CELF6: variants seen among roughly 807,000 people sequenced by gnomAD.
The protein encoded by CELF6 is CUGBP Elav-like family member 6.
In CELF6, 32 loss-of-function variants were observed where a neutral mutation model predicts 53.1. The ratio of observed to expected loss-of-function variants is 0.60; its 90% CI spans 0.46 to 0.81. The LOEUF (loss-of-function observed/expected upper bound fraction) is 0.81. CELF6 is among the 30% of genes least tolerant of loss of function. The probability of loss-of-function intolerance (pLI) is 0.00; values close to 1 mark genes in which losing one functional copy is unlikely to be tolerated. For synonymous variants in CELF6, 291 were observed against 288.8 expected, an observed-to-expected ratio of 1.01 and a Z score of -0.08; for missense variants, 539 against 669.5, an observed-to-expected ratio of 0.81 and a Z score of 2.15.
In CELF6 at chr15:72,289,064, A is replaced by C; in HGVS notation, c.1030+74T>G. On this transcript the variant is annotated intron_variant, in intron 8 of 12. Transcript: ENST00000287202. The surrounding 1 kb of genome is among the most constrained non-coding windows in gnomAD (Gnocchi z 7.6). Reference sequence around the variant, plus strand: ...GAAGGAGGGGGATCTCTTCCCAGGGAAGCCAGGCCCTAACCCCCCACCCCC... The same window carrying C: ...GAAGGAGGGGGATCTCTTCCCAGGGCAGCCAGGCCCTAACCCCCCACCCCC... The C allele has an allele frequency of 7.6e-7, 1 of 1,322,344 alleles. No homozygotes were observed. 81.9% of individuals were successfully genotyped at this position (1,322,344 alleles called of 1,614,324 possible).
Position 72,289,133 on chromosome 15 carries a change from C to A in CELF6, c.1030+5G>T, listed in dbSNP as rs1432556261. ...GGGGGGATTTGGGCGGAGCGGGGGG[C>A]CCACCTGGATAAGGGGAGAGCCCGT... On this transcript the variant is annotated splice_donor_5th_base_variant and intron_variant, in intron 8 of 12. Coordinates refer to ENST00000287202, the MANE Select transcript of CELF6 (RefSeq NM_052840.5). The surrounding 1 kb of genome is among the most constrained non-coding windows in gnomAD (Gnocchi z 7.6). 6.6e-7 allele frequency: 1 copy of A among 1,520,222 alleles called. No individual in the cohort carries two copies. Among genetic ancestry groups the A allele is most frequent in the Non-Finnish European group, 8.8e-7 (1 of 1,141,856 alleles). 94.2% of individuals were successfully genotyped at this position (1,520,222 alleles called of 1,614,324 possible).
chr15:72,298,541 T>C (rs940382860), intron 3 of CELF6, among the ~76,000 whole-genome samples: 3 of 152,090 alleles, frequency 2.0e-5, no homozygotes, highest in Admixed American at 6.5e-5. Context: ...TTTCTGTACC[T>C]TAGGCATCTT....
chr15:72,289,902 A>G lies in CELF6; in HGVS notation c.603+37T>C, dbSNP rs1214004238. On this transcript the variant is annotated intron_variant, in intron 5 of 12. Coordinates refer to ENST00000287202, the MANE Select transcript of CELF6 (RefSeq NM_052840.5). The surrounding 1 kb of genome is among the most constrained non-coding windows in gnomAD (Gnocchi z 7.6). ...GGGAGGAGAAGCCCGTCCCCACCCC[A>G]CTGGCCTCACCCTCAGCCCAGGGAA... The G allele has an allele frequency of 6.5e-7, 1 of 1,539,524 alleles. No individual in the cohort carries two copies. Among genetic ancestry groups the G allele is most frequent in the African/African-American group, 1.4e-5 (1 of 72,894 alleles).
At chr15:72,298,046 G>A (rs2088102033) in intron 3 of CELF6, among the ~76,000 whole-genome samples, 4 of 152,182 alleles carry the variant, frequency 2.6e-5, no homozygotes, top group Admixed American at 2.6e-4. Context: ...TTCATCTAAG[G>A]ACCAATAACA....
At chr15:72,305,820 C>G (rs920776368) in intron 2 of CELF6, among the ~76,000 whole-genome samples, 2 of 151,898 alleles carry the variant, frequency 1.3e-5, no homozygotes, top group Non-Finnish European at 2.9e-5. Context: ...CCCACGGGCG[C>G]CTTCACTCAA....
At chr15:72,300,300 G>T (rs564927615) in intron 3 of CELF6, among the ~76,000 whole-genome samples, 1 of 151,394 alleles carries the variant, frequency 6.6e-6, no homozygotes. Flanking sequence ...GTTCAAGGCT[G>T]CAGTGAGCTA....
At chr15:72,312,446 G>C (rs2088308481) in intron 2 of CELF6, among the ~76,000 whole-genome samples, 1 of 152,134 alleles carries the variant, frequency 6.6e-6, no homozygotes, top group African/African-American at 2.4e-5. Flanking sequence ...GACCAACATG[G>C]TGAAACCCTG....
intron 3 of CELF6, among the ~76,000 whole-genome samples, chr15:72,303,433 A>G (rs1213680192): frequency 6.6e-6 from 1 of 152,234 alleles, no homozygotes; most frequent in African/African-American, 2.4e-5. Flanking sequence ...ATCTAAAAGG[A>G]TAATGGAAGT....
chr15:72,292,453 A>G lies in CELF6; in HGVS notation c.395-2198T>C, dbSNP rs150875354. ...AGAGTCTAGGGCCTCCATAGTCCCA[A>G]GGGGGGCTTCACAATGCCCTAATTT... On this transcript the variant is annotated intron_variant, in intron 3 of 12. Transcript: ENST00000287202. 3.3e-3 allele frequency among the ~76,000 whole-genome samples: 506 copies of G among 152,318 alleles called. 3 individuals carry two copies. Among genetic ancestry groups the G allele is most frequent in the African/African-American group, 0.012 (492 of 41,564 alleles).
chr15:72,297,616 G>T (rs1251699280), intron 3 of CELF6, among the ~76,000 whole-genome samples: 1 of 152,232 alleles, frequency 6.6e-6, no homozygotes, highest in Non-Finnish European at 1.5e-5. Flanking sequence ...GAAACTTGAA[G>T]ATAGGCTAAG....
rs1567276641 is a variant in CELF6 at position 72,288,035 on chromosome 15, G to A, written c.1318+273C>T. 6.6e-6 allele frequency among the ~76,000 whole-genome samples: 1 copy of A among 151,938 alleles called. No homozygotes were observed. The highest frequency in any genetic ancestry group is 2.4e-5 in the African/African-American group (1 of 41,362). On this transcript the variant is annotated intron_variant, in intron 11 of 12. Transcript: ENST00000287202. The surrounding 1 kb of genome is among the most constrained non-coding windows in gnomAD (Gnocchi z 4.6). ...GTATTTTTAGTGGAGACGGGATTTC[G>A]CCATGTTGGCCAGGCTAGTCCCAAA...
At chr15:72,295,499 C>T (rs1174518105) in intron 3 of CELF6, among the ~76,000 whole-genome samples, 3 of 151,560 alleles carry the variant, frequency 2.0e-5, no homozygotes, top group South Asian at 2.1e-4. Flanking sequence ...GAGGCCGAGG[C>T]GGGCAGATCA....
Position 72,287,240 on chromosome 15 carries a change from T to C in CELF6, c.*25A>G. Reference sequence around the variant, plus strand: ...CTGGGGTCCATCAGGGACTCACCTTTCTGTGGCTGGTCAGTGAAAGCAGGT... The same window carrying C: ...CTGGGGTCCATCAGGGACTCACCTTCCTGTGGCTGGTCAGTGAAAGCAGGT... On this transcript the variant is annotated 3_prime_UTR_variant, in exon 12 of 13. Transcript: ENST00000287202. 1 of 1,611,996 alleles carries C rather than the reference T, an allele frequency of 6.2e-7. No homozygotes were observed. The highest frequency in any genetic ancestry group is 8.5e-7 in the Non-Finnish European group (1 of 1,178,948).
chr15:72,289,777 A>G lies in CELF6; in HGVS notation c.604-7T>C, dbSNP rs1234571593. 6.9e-7 allele frequency: 1 copy of G among 1,448,202 alleles called. No homozygotes were observed. Among genetic ancestry groups the G allele is most frequent in the East Asian group, 2.5e-5 (1 of 39,970 alleles). 89.7% of individuals were successfully genotyped at this position (1,448,202 alleles called of 1,614,324 possible). A position where few individuals can be genotyped will look rare whatever the true frequency, so the allele number is the denominator to read the frequency against. On this transcript the variant is annotated splice_region_variant and splice_polypyrimidine_tract_variant and intron_variant, in intron 5 of 12. Coordinates refer to ENST00000287202, the MANE Select transcript of CELF6 (RefSeq NM_052840.5). The surrounding 1 kb of genome is among the most constrained non-coding windows in gnomAD (Gnocchi z 7.6). ...CGAGGCTGGACGAGGCGCCCTGGGC[A>G]GGGCAGGGGAGGCCGTGGTGACCGG...
In CELF6 at chr15:72,287,089, C is replaced by A. The variant is rs2087932010; in HGVS notation, c.*28+148G>T. On this transcript the variant is annotated intron_variant, in intron 12 of 12. Coordinates refer to ENST00000287202, the MANE Select transcript of CELF6 (RefSeq NM_052840.5). ...ATTGAAGGAAAAGCAAAGTCTCCAT[C>A]TGAGGTTTCCTCCTAGCTCCTGGCT... 11 of 654,412 alleles carry A rather than the reference C, an allele frequency of 1.7e-5. No individual in the cohort carries two copies. In the South Asian group the frequency reaches 2.2e-4, roughly 13 times the overall value. 40.5% of individuals were successfully genotyped at this position (654,412 alleles called of 1,614,324 possible).
At chr15:72,318,486 T>G (rs1595788329) in intron 1 of CELF6, among the ~76,000 whole-genome samples, 1 of 152,112 alleles carries the variant, frequency 6.6e-6, no homozygotes, top group Non-Finnish European at 1.5e-5. Flanking sequence ...GTGGTGGTGG[T>G]GGGGGAGGAG....
chr15:72,312,500 G>A (rs1009033316), intron 2 of CELF6, among the ~76,000 whole-genome samples: 18 of 152,076 alleles, frequency 1.2e-4, no homozygotes, highest in South Asian at 8.3e-4. Context: ...GCGGTGATGG[G>A]TGCCTGTAAT....
chr15:72,302,728 A>T (rs980530882), intron 3 of CELF6, among the ~76,000 whole-genome samples: 5 of 152,188 alleles, frequency 3.3e-5, no homozygotes, highest in African/African-American at 4.8e-5. Context: ...TCCAAATTGC[A>T]CCACGTTCTT....
rs937362820 is a variant in CELF6 at position 72,289,613 on chromosome 15, T to A, written c.747+14A>T. 1.2e-5 allele frequency: 18 copies of A among 1,491,548 alleles called. No homozygotes were observed. The highest frequency in any genetic ancestry group is 3.5e-6 in the Non-Finnish European group (4 of 1,129,072). 92.4% of individuals were successfully genotyped at this position (1,491,548 alleles called of 1,614,324 possible). ...CCACCTGCGCGCCCTCGCACGCAGG[T>A]GCCCGGTACCTACCGCCGTGGTGTA... On this transcript the variant is annotated intron_variant, in intron 6 of 12. Transcript: ENST00000287202. This position sits in a 1 kb window ranked among gnomAD's most constrained non-coding sequence, Gnocchi z 7.6.
Sources: allele counts gnomAD v4.1 joint callset (sites outside exome capture counted in the v4.1 genomes callset), GRCh38; gene constraint gnomAD v4.1.1; non-coding constraint Gnocchi (gnomAD v3.1); transcripts MANE v1.5; gene names NCBI Gene and HGNC (gene_info 2026-07-23, HGNC 2026-07-21).